GCC2: variants seen among roughly 807,000 people sequenced by gnomAD.
GCC2 encodes GRIP and coiled-coil domain containing 2, also known as GRIP and coiled-coil domain-containing protein 2.
GCC2 carries 120 observed loss-of-function variants against 210.6 expected under a neutral mutation model. The ratio of observed to expected loss-of-function variants is 0.57; its 90% CI spans 0.49 to 0.66. GCC2 has a LOEUF of 0.66. Among genes scored for constraint, GCC2 ranks in the 30% least tolerant of loss-of-function variants. The pLI is 0.00. For missense variants in GCC2, 1,868 were observed against 1,871.9 expected (o/e 1.00, Z 0.04); for synonymous variants, 703 against 652.7 (o/e 1.08, Z -1.17).
At chr2:108,465,817 TAA>T (rs1573361303) in intron 4 of GCC2, among the ~76,000 whole-genome samples, 1 of 152,198 alleles carries the variant, frequency 6.6e-6, no homozygotes, top group African/African-American at 2.4e-5. Context: ...CAGCGGTGTA[TAA>T]GTGTTCCCTT....
intron 4 of GCC2, among the ~76,000 whole-genome samples, chr2:108,465,146 T>C (rs2104435654): frequency 6.6e-6 from 1 of 152,300 alleles, no homozygotes; most frequent in Non-Finnish European, 1.5e-5. Flanking sequence ...GAGATTTGGG[T>C]GGGGACAAAT....
chr2:108,467,818 T>C (rs1212296130), intron 4 of GCC2, among the ~76,000 whole-genome samples: 1 of 152,206 alleles, frequency 6.6e-6, no homozygotes, highest in Non-Finnish European at 1.5e-5. Context: ...TTTTATTTTG[T>C]CTAAACGAGT....
At chr2:108,482,741 A>G (rs974789341) in intron 11 of GCC2, among the ~76,000 whole-genome samples, 2 of 152,126 alleles carry the variant, frequency 1.3e-5, no homozygotes, top group Admixed American at 6.6e-5. Context: ...CAGTGGCGCA[A>G]TCTCAGCTCA....
chr2:108,494,304 G>T (rs1682538611), intron 19 of GCC2: 3 of 152,400 alleles, frequency 2.0e-5, no homozygotes, highest in Admixed American at 2.0e-4. Context: ...AGCCTGGGAG[G>T]CAGAGGTTGC....
chr2:108,499,249 G>C (rs979022685), intron 21 of GCC2, among the ~76,000 whole-genome samples: 1 of 152,078 alleles, frequency 6.6e-6, no homozygotes, highest in African/African-American at 2.4e-5. Flanking sequence ...TAGGACAGTG[G>C]AGTTATATAG....
chr2:108,493,219 A>G (rs553775903), intron 19 of GCC2: 123 of 281,250 alleles, frequency 4.4e-4, no homozygotes, highest in Non-Finnish European at 4.3e-4. Context: ...CCTTCCGAGC[A>G]GCTGGGACTA....
chr2:108,497,338 G>A (rs1440850027), intron 21 of GCC2, among the ~76,000 whole-genome samples: 1 of 152,124 alleles, frequency 6.6e-6, no homozygotes, highest in Non-Finnish European at 1.5e-5. Flanking sequence ...GGATGGTCTC[G>A]ATCTCCTGAC....
chr2:108,471,764 A>G lies in GCC2; in HGVS notation c.2435A>G (p.Glu812Gly), dbSNP rs1181789592. The change falls in exon 6 of 23, where the codon GAA becomes GGA. Residue 812 changes from glutamate to glycine, a missense_variant. Transcript: ENST00000309863. ...FQRDEKVLEL[E>G]KEIKCLQEES... ...CGTGATGAAAAAGTATTAGAGTTAG[A>G]AAAAGAGATTAAGTGCCTTCAAGAA... 5.0e-6 allele frequency: 8 copies of G among 1,613,306 alleles called. No individual in the cohort carries two copies. The highest frequency in any genetic ancestry group is 5.9e-6 in the Non-Finnish European group (7 of 1,179,626).
At chr2:108,465,569 G>T (rs529318734) in intron 4 of GCC2, among the ~76,000 whole-genome samples, 1 of 151,982 alleles carries the variant, frequency 6.6e-6, no homozygotes, top group African/African-American at 2.4e-5. Flanking sequence ...CATACTCATC[G>T]CTTAGCTCCT....
At chr2:108,474,526 A>G (rs1681406826) in intron 7 of GCC2, among the ~76,000 whole-genome samples, 1 of 152,164 alleles carries the variant, frequency 6.6e-6, no homozygotes, top group Admixed American at 6.5e-5. Context: ...GGGGGAGGCA[A>G]TGTTTGAGAG....
In GCC2 at chr2:108,492,555, A is replaced by G. The variant is rs1016513644; in HGVS notation, c.4230-18A>G. On this transcript the variant is annotated intron_variant, in intron 18 of 22. Coordinates refer to ENST00000309863, the MANE Select transcript of GCC2 (RefSeq NM_181453.4). ...TAAAGTTGAAAGATCTTCTGTAACT[A>G]AGTTTCTCATCTTTCAGATTGTGTT... The G allele has an allele frequency of 2.0e-6, 3 of 1,521,888 alleles. No homozygotes were observed. In the African/African-American group the frequency reaches 4.1e-5, roughly 21 times the overall value. 94.3% of individuals were successfully genotyped at this position (1,521,888 alleles called of 1,614,324 possible). A position where few individuals can be genotyped will look rare whatever the true frequency, so the allele number is the denominator to read the frequency against.
Position 108,508,067 on chromosome 2 carries a change from G to A in GCC2, c.*437G>A, listed in dbSNP as rs1431647587. 6.9e-5 allele frequency: 9 copies of A among 130,436 alleles called. 1 individual carries two copies. Among genetic ancestry groups the A allele is most frequent in the Non-Finnish European group, 1.5e-4 (9 of 58,958 alleles). The allele number at this position is 130,436 out of a possible 1,614,324, so 8.1% of individuals were successfully genotyped here. The stretch of plus-strand genomic sequence containing the variant: ...AAATCCCACTACTTTGGGAGGCTGA[G>A]GCTGGAGAATTGCTTGAGGCTAGTG... On this transcript the variant is annotated 3_prime_UTR_variant, in exon 23 of 23. Transcript: ENST00000309863.
In GCC2 at chr2:108,508,366, C is replaced by T. The variant is rs1558767236; in HGVS notation, c.*736C>T. ...TTAGTTATTTGCTTTAAAATAAACTCTTCTTTTTTTCTTTAAAGTATACTA... is the reference window on the plus strand; with the variant it reads ...TTAGTTATTTGCTTTAAAATAAACTTTTCTTTTTTTCTTTAAAGTATACTA... On this transcript the variant is annotated 3_prime_UTR_variant, in exon 23 of 23. Transcript: ENST00000309863. 7.2e-6 allele frequency: 1 copy of T among 139,760 alleles called. No homozygotes were observed. Among genetic ancestry groups the T allele is most frequent in the Non-Finnish European group, 1.5e-5 (1 of 65,144 alleles). The allele number at this position is 139,760 out of a possible 1,614,324, so 8.7% of individuals were successfully genotyped here.
chr2:108,479,264 ACAGT>A (rs1404083978), intron 9 of GCC2, among the ~76,000 whole-genome samples: 1 of 152,234 alleles, frequency 6.6e-6, no homozygotes, highest in Non-Finnish European at 1.5e-5. Flanking sequence ...TCAGATTGTA[ACAGT>A]CAGCCACCAG....
chr2:108,466,253 A>G (rs1680874746), intron 4 of GCC2, among the ~76,000 whole-genome samples: 2 of 152,026 alleles, frequency 1.3e-5, no homozygotes, highest in South Asian at 4.2e-4. Context: ...CTGTGGGCCA[A>G]CACAGTCTTG....
At position 108,449,280 on chromosome 2, in the gene GCC2, G is replaced by A. The variant is rs1573330306; in HGVS notation, c.6G>A (p.Glu2=). The change falls in exon 1 of 23, where the codon GAG becomes GAA. Residue 2 remains glutamate, a splice_region_variant and synonymous_variant. Coordinates refer to ENST00000309863, the MANE Select transcript of GCC2 (RefSeq NM_181453.4). M[E]DLVQDGVASP... is the part of the protein sequence containing the mutation. Reference sequence around the variant, plus strand: ...CCGGCGGCGGGCTGGCGGAGATGGAGGTAACTCAGGTCGGGCCCACTGCCT... The same window carrying A: ...CCGGCGGCGGGCTGGCGGAGATGGAAGTAACTCAGGTCGGGCCCACTGCCT... The A allele has an allele frequency of 6.5e-7, 1 of 1,549,708 alleles. No individual in the cohort carries two copies. Among genetic ancestry groups the A allele is most frequent in the Non-Finnish European group, 8.7e-7 (1 of 1,145,582 alleles).
intron 15 of GCC2, 75 bp downstream of exon 15, chr2:108,485,983 G>A (rs1682120737): frequency 1.5e-6 from 1 of 676,178 alleles, no homozygotes; most frequent in Non-Finnish European, 2.5e-6. Flanking sequence ...AGATTTTATT[G>A]ATTATCCTAT....
chr2:108,476,054 CTTTTTTTTTT>C (rs56236751), intron 9 of GCC2, among the ~76,000 whole-genome samples: 23,141 of 96,120 alleles, frequency 0.24, 2,246 homozygotes, highest in African/African-American at 0.34. Flanking sequence ...TAGTGGCTTG[CTTTTTTTTTT>C]TTTTTTTTTT....
intron 7 of GCC2, 112 bp downstream of exon 7, chr2:108,473,011 G>A (rs1348055505): frequency 6.7e-6 from 4 of 599,542 alleles, no homozygotes; most frequent in Admixed American, 3.7e-5. Context: ...AACACAGTTC[G>A]TAGCTGTCTT....
Sources: gnomAD v4.1 joint callset for allele counts (sites outside exome capture counted in the v4.1 genomes callset) on GRCh38, gnomAD v4.1.1 for gene constraint, MANE v1.5 for transcripts, NCBI Gene and HGNC (gene_info 2026-07-23, HGNC 2026-07-21) for gene names.